ZNF121: variants seen among roughly 807,000 people sequenced by gnomAD.
ZNF121 encodes the protein zinc finger protein 121 (clone ZHC32).
ZNF121 carries 1 observed loss-of-function variant against 2.4 expected under a neutral mutation model. That is an observed-to-expected ratio of 0.41 (90% CI 0.15 to 1.94). The LOEUF is 1.94. ZNF121 is among the 30% of genes most tolerant of loss of function. The pLI is 0.30. For synonymous variants in ZNF121, 173 were observed against 158.6 expected (o/e 1.09, Z -0.68); for missense variants, 369 against 466.3 (o/e 0.79, Z 1.92).
chr19:9,582,377 A>G (rs12459005), intron 1 of ZNF121, among the ~76,000 whole-genome samples: 19,979 of 152,136 alleles, frequency 0.13, 1,726 homozygotes, highest in African/African-American at 0.24. Context: ...TAACTGATCA[A>G]TTGACCTTGT....
intron 1 of ZNF121, among the ~76,000 whole-genome samples, chr19:9,578,067 C>T (rs977725326): frequency 1.3e-5 from 2 of 150,176 alleles, no homozygotes; most frequent in East Asian, 1.9e-4. Context: ...ATTAGCCTGG[C>T]GTGGTGCCTG....
chr19:9,573,151 C>T (rs1481781790), intron 1 of ZNF121, among the ~76,000 whole-genome samples: 1 of 152,164 alleles, frequency 6.6e-6, no homozygotes, highest in Admixed American at 6.5e-5. Context: ...AAATGGGGAA[C>T]CACGACCTCC....
chr19:9,578,366 C>T (rs1200348503), intron 1 of ZNF121, among the ~76,000 whole-genome samples: 1 of 151,894 alleles, frequency 6.6e-6, no homozygotes, highest in African/African-American at 2.4e-5. Context: ...TGCACTCCAG[C>T]CTGGGAGACA....
chr19:9,573,304 A>G (rs2074187025), intron 1 of ZNF121, among the ~76,000 whole-genome samples: 1 of 152,206 alleles, frequency 6.6e-6, no homozygotes, highest in Non-Finnish European at 1.5e-5. Flanking sequence ...TGTATCAGAA[A>G]AAACTTTAGA....
In ZNF121 at chr19:9,565,942, AGT is replaced by A. The variant is rs2074128460; in HGVS notation, c.1169_1170del (p.His390LeufsTer92). ...FYLLTKHLKT[H>X] ...TTCCTTACATTCAGAGTTTTTCTTC[AGT>A]GTGTTTTTAAATGTTTAGTAAGTAA... On this transcript the variant is annotated frameshift_variant, in exon 4 of 4. Coordinates refer to ENST00000320451, the MANE Select transcript of ZNF121 (RefSeq NM_001008727.5). LOFTEE classifies it high-confidence loss of function. 1 of 1,539,178 alleles carries A rather than the reference AGT, an allele frequency of 6.5e-7. No homozygotes were observed. Among genetic ancestry groups the A allele is most frequent in the Non-Finnish European group, 8.8e-7 (1 of 1,141,496 alleles).
chr19:9,583,337 CTTTT>C (rs2074261605), intron 1 of ZNF121, among the ~76,000 whole-genome samples: 1 of 151,256 alleles, frequency 6.6e-6, no homozygotes, highest in Non-Finnish European at 1.5e-5. Flanking sequence ...GCCTTTCTTT[CTTTT>C]TTGAGACGGA....
chr19:9,568,310 T>G, intron 2 of ZNF121, 135 bp from the exon 3 acceptor site: 2 of 445,424 alleles, frequency 4.5e-6, no homozygotes, highest in Non-Finnish European at 8.1e-6. Flanking sequence ...GACATAGATT[T>G]GAACAGTTTA....
intron 1 of ZNF121, among the ~76,000 whole-genome samples, chr19:9,572,587 C>G (rs889779628): frequency 6.6e-6 from 1 of 152,132 alleles, no homozygotes; most frequent in African/African-American, 2.4e-5. Context: ...TGTAGGGGTA[C>G]GCTACACAGG....
chr19:9,579,227 T>C (rs943186302), intron 1 of ZNF121, among the ~76,000 whole-genome samples: 2 of 152,178 alleles, frequency 1.3e-5, no homozygotes, highest in African/African-American at 4.8e-5. Context: ...TTGTATGCAG[T>C]TGATGGGAAT....
intron 1 of ZNF121, among the ~76,000 whole-genome samples, 169 bp from the exon 2 acceptor site, chr19:9,569,251 C>G (rs983653306): frequency 2.0e-5 from 3 of 152,060 alleles, no homozygotes; most frequent in African/African-American, 7.2e-5. Context: ...TTATCTCTGA[C>G]CAAATACCCA....
intron 1 of ZNF121, among the ~76,000 whole-genome samples, chr19:9,571,200 T>A (rs2074171592): frequency 6.6e-6 from 1 of 152,188 alleles, no homozygotes; most frequent in African/African-American, 2.4e-5. Flanking sequence ...ATAGAAAATG[T>A]AAACAAATGA....
At position 9,565,809 on chromosome 19, in the gene ZNF121, G is replaced by A. The variant is rs2074127433; in HGVS notation, c.*131C>T. ...GTTCTTTCATGTCTTCGAAGTGAAT[G>A]GGGATAACTGAAGGCCTCCTCACAT... On this transcript the variant is annotated 3_prime_UTR_variant, in exon 4 of 4. Transcript: ENST00000320451. 2 of 645,290 alleles carry A rather than the reference G, an allele frequency of 3.1e-6. No individual in the cohort carries two copies. The highest frequency in any genetic ancestry group is 3.5e-5 in the Admixed American group (1 of 28,912). 40.0% of individuals were successfully genotyped at this position (645,290 alleles called of 1,614,324 possible). A position where few individuals can be genotyped will look rare whatever the true frequency, so the allele number is the denominator to read the frequency against.
intron 1 of ZNF121, among the ~76,000 whole-genome samples, chr19:9,582,169 C>T (rs2074252296): frequency 6.6e-6 from 1 of 152,154 alleles, no homozygotes; most frequent in Admixed American, 6.5e-5. Context: ...ATTAGCTGGG[C>T]ATGGCGGCAT....
Position 9,565,662 on chromosome 19 carries a change from T to G in ZNF121, c.*278A>C, listed in dbSNP as rs2074125693. 1 of 135,392 alleles carries G rather than the reference T, an allele frequency of 7.4e-6. No individual in the cohort carries two copies. Among genetic ancestry groups the G allele is most frequent in the African/African-American group, 2.6e-5 (1 of 38,974 alleles). 8.4% of individuals were successfully genotyped at this position (135,392 alleles called of 1,614,324 possible). A position where few individuals can be genotyped will look rare whatever the true frequency, so the allele number is the denominator to read the frequency against. On this transcript the variant is annotated 3_prime_UTR_variant, in exon 4 of 4. Transcript: ENST00000320451. ...GCCTGTGTGATGACAACAGCAAAAC[T>G]CTGTCTCAAATAAAATAAAATAAAA...
At position 9,561,247 on chromosome 19, in the gene ZNF121, G is replaced by A. The variant is rs1011579919; in HGVS notation, c.*4693C>T. On this transcript the variant is annotated 3_prime_UTR_variant, in exon 4 of 4. Transcript: ENST00000320451. The stretch of plus-strand genomic sequence containing the variant: ...TTACCTAGGAACACCTCCCTACACA[G>A]AGACTGCAGCTTCTAAATAGTATTC... The A allele has an allele frequency of 6.6e-6, 1 of 152,202 alleles. No individual in the cohort carries two copies. The highest frequency in any genetic ancestry group is 1.5e-5 in the Non-Finnish European group (1 of 68,028). 9.4% of individuals were successfully genotyped at this position (152,202 alleles called of 1,614,324 possible). A position where few individuals can be genotyped will look rare whatever the true frequency, so the allele number is the denominator to read the frequency against.
rs946686273 is a variant in ZNF121, at chr19:9,564,013, C to T, written c.*1927G>A. Reference sequence around the variant, plus strand: ...GATTGGCGTTTTCATGTCTGCTAACCGCAGCCCATGGATTCTGGAATAATT... The same window carrying T: ...GATTGGCGTTTTCATGTCTGCTAACTGCAGCCCATGGATTCTGGAATAATT... On this transcript the variant is annotated 3_prime_UTR_variant, in exon 4 of 4. Coordinates refer to ENST00000320451, the MANE Select transcript of ZNF121 (RefSeq NM_001008727.5). The T allele has an allele frequency of 2.6e-5, 4 of 152,164 alleles. No individual in the cohort carries two copies. The highest frequency in any genetic ancestry group is 7.2e-5 in the African/African-American group (3 of 41,430). 9.4% of individuals were successfully genotyped at this position (152,164 alleles called of 1,614,324 possible). A position where few individuals can be genotyped will look rare whatever the true frequency, so the allele number is the denominator to read the frequency against.
chr19:9,561,129 A>G lies in ZNF121; in HGVS notation c.*4811T>C, dbSNP rs1388099753. Reference sequence around the variant, plus strand: ...TGGCTTGTGGTCATGTTTTTAATATAGAAATAGAGTTATTAATGTGTGGAT... The same window carrying G: ...TGGCTTGTGGTCATGTTTTTAATATGGAAATAGAGTTATTAATGTGTGGAT... On this transcript the variant is annotated 3_prime_UTR_variant, in exon 4 of 4. Coordinates refer to ENST00000320451, the MANE Select transcript of ZNF121 (RefSeq NM_001008727.5). The G allele has an allele frequency of 3.9e-5, 6 of 152,348 alleles. No individual in the cohort carries two copies. The highest frequency in any genetic ancestry group is 1.4e-4 in the African/African-American group (6 of 41,584). 9.4% of individuals were successfully genotyped at this position (152,348 alleles called of 1,614,324 possible).
rs1186793283 is a variant in ZNF121, at chr19:9,560,784, T to C, written c.*5156A>G. 2 of 152,262 alleles carry C rather than the reference T, an allele frequency of 1.3e-5. No homozygotes were observed. Among genetic ancestry groups the C allele is most frequent in the African/African-American group, 4.8e-5 (2 of 41,472 alleles). 9.4% of individuals were successfully genotyped at this position (152,262 alleles called of 1,614,324 possible). A position where few individuals can be genotyped will look rare whatever the true frequency, so the allele number is the denominator to read the frequency against. ...TGAATAATGCTGCAATGAACACAGG[T>C]AGGCATTCACACATTGAGATGCTTT... On this transcript the variant is annotated 3_prime_UTR_variant, in exon 4 of 4. Transcript: ENST00000320451.
rs1420666117 is a variant in ZNF121 at position 9,560,788 on chromosome 19, C to T, written c.*5152G>A. 1 of 152,222 alleles carries T rather than the reference C, an allele frequency of 6.6e-6. No individual in the cohort carries two copies. The highest frequency in any genetic ancestry group is 1.5e-5 in the Non-Finnish European group (1 of 68,046). The allele number at this position is 152,222 out of a possible 1,614,324, so 9.4% of individuals were successfully genotyped here. Reference sequence around the variant, plus strand: ...TAATGCTGCAATGAACACAGGTAGGCATTCACACATTGAGATGCTTTCTTC... The same window carrying T: ...TAATGCTGCAATGAACACAGGTAGGTATTCACACATTGAGATGCTTTCTTC... On this transcript the variant is annotated 3_prime_UTR_variant, in exon 4 of 4. Transcript: ENST00000320451.
Sources: allele counts gnomAD v4.1 joint callset (sites outside exome capture counted in the v4.1 genomes callset), GRCh38; gene constraint gnomAD v4.1.1; transcripts MANE v1.5; gene names NCBI Gene and HGNC (gene_info 2026-07-23, HGNC 2026-07-21).